The following IPO5 variants were observed in gnomAD, a reference collection of about 807,000 sequenced individuals.
IPO5 encodes the protein importin-5.
IPO5 carries 18 observed loss-of-function variants against 143.3 expected under a neutral mutation model. The observed-to-expected ratio is 0.13, with a 90% CI of 0.09 to 0.19. The LOEUF (loss-of-function observed/expected upper bound fraction) is 0.19, where lower values mean the gene tolerates loss of function less well. Among genes scored for constraint, IPO5 ranks in the 10% least tolerant of loss-of-function variants. The pLI is 1.00. For missense variants in IPO5, 1,013 were observed against 1,336.9 expected, an observed-to-expected ratio of 0.76 and a Z score of 3.78; for synonymous variants, 477 against 465.7, an observed-to-expected ratio of 1.02 and a Z score of -0.31.
At chr13:97,997,488 A>T in intron 11 of IPO5, 43 bp from the exon 12 acceptor site, 1 of 1,111,072 alleles carries the variant, frequency 9.0e-7, no homozygotes, top group Non-Finnish European at 1.3e-6. Flanking sequence ...TATGGATAAG[A>T]TAAAGTCACA....
intron 11 of IPO5, among the ~76,000 whole-genome samples, chr13:97,996,209 C>G (rs1888272616): frequency 6.6e-6 from 1 of 152,112 alleles, no homozygotes; most frequent in African/African-American, 2.4e-5. Flanking sequence ...ACTACCACAC[C>G]TGGCTAATTT....
chr13:97,992,386 G>T (rs1376460848), intron 9 of IPO5, among the ~76,000 whole-genome samples: 1 of 152,166 alleles, frequency 6.6e-6, no homozygotes, highest in Non-Finnish European at 1.5e-5. Context: ...TACTTACTAT[G>T]CGTATGAGAA....
At chr13:98,006,095 T>C in intron 16 of IPO5, 35 bp from the exon 17 acceptor site, 1 of 1,391,554 alleles carries the variant, frequency 7.2e-7, no homozygotes, top group South Asian at 1.2e-5. Context: ...TCTTCCAGTT[T>C]TCCTTTGAGG....
chr13:98,016,885 T>A (rs372677269), intron 25 of IPO5, 34 bp downstream of exon 25: 4 of 1,445,730 alleles, frequency 2.8e-6, no homozygotes, highest in Admixed American at 2.7e-5. Flanking sequence ...TTGTTTTGCG[T>A]AGTTTACCTG....
chr13:97,976,156 T>A (rs914996200), intron 3 of IPO5, among the ~76,000 whole-genome samples: 4 of 150,986 alleles, frequency 2.6e-5, no homozygotes, highest in Non-Finnish European at 5.9e-5. Flanking sequence ...GGCGCCGAAA[T>A]CTCCCGCGCT....
chr13:98,018,865 A>G (rs1288835890), intron 26 of IPO5, among the ~76,000 whole-genome samples, 161 bp downstream of exon 26: 1 of 152,200 alleles, frequency 6.6e-6, no homozygotes, highest in Non-Finnish European at 1.5e-5. Context: ...TGATAAAAAG[A>G]TGATTTATTC....
intron 20 of IPO5, among the ~76,000 whole-genome samples, chr13:98,011,973 C>G (rs1180574297): frequency 6.6e-6 from 1 of 151,714 alleles, no homozygotes; most frequent in Non-Finnish European, 1.5e-5. Context: ...GAATGGAATA[C>G]GAATGATTCC....
chr13:98,006,235 A>G lies in IPO5; in HGVS notation c.1603A>G (p.Met535Val). The change falls in exon 17 of 29, where the codon ATG becomes GTG. Residue 535 changes from methionine (M) to valine (V), a missense_variant. By Grantham distance (21) the Met-to-Val change is conservative. Transcript: ENST00000651721. ...ATTTGTCCCCTACTATGATTTATTT[A>G]TGCCATCACTGAAGCACATCGTTGA... ...EKFVPYYDLFMPSLKHIVENA... is the reference protein window; with the variant it reads ...EKFVPYYDLFVPSLKHIVENA... The G allele has an allele frequency of 6.2e-7, 1 of 1,613,684 alleles. No homozygotes were observed. The highest frequency in any genetic ancestry group is 8.5e-7 in the Non-Finnish European group (1 of 1,179,700).
intron 3 of IPO5, 27 bp downstream of exon 3, chr13:97,969,857 C>G (rs1427076810): frequency 6.4e-7 from 1 of 1,572,164 alleles, no homozygotes; most frequent in Non-Finnish European, 8.7e-7. Flanking sequence ...GGGGAAAAGT[C>G]ACTTCCTGTT....
At chr13:97,960,390 G>A (rs1483690391) in intron 2 of IPO5, 2 of 152,092 alleles carry the variant, frequency 1.3e-5, no homozygotes, top group African/African-American at 4.8e-5. Context: ...ATCACTCAAG[G>A]ATTCAGAACT....
intron 4 of IPO5, 38 bp from the exon 5 acceptor site, chr13:97,982,465 T>G: frequency 7.2e-7 from 1 of 1,394,530 alleles, no homozygotes; most frequent in Non-Finnish European, 1.0e-6. Flanking sequence ...TGAAGTTTCC[T>G]AACATTCTTT....
At chr13:97,998,007 G>A (rs1019249180) in intron 12 of IPO5, among the ~76,000 whole-genome samples, 6 of 152,148 alleles carry the variant, frequency 3.9e-5, no homozygotes, top group East Asian at 1.9e-4. Flanking sequence ...ACGGAGTCTC[G>A]CTGTGTCGCC....
intron 11 of IPO5, among the ~76,000 whole-genome samples, chr13:97,995,687 A>G (rs3858773): frequency 0.33 from 49,736 of 151,906 alleles, 10,514 homozygotes; most frequent in Non-Finnish European, 0.48. Flanking sequence ...CCCGGGAGGC[A>G]GAGCTTGCAG....
Position 98,021,415 on chromosome 13 carries a change from AAAC to A in IPO5, c.3207+285_3207+287del, listed in dbSNP as rs944971800. The A allele has an allele frequency of 1.4e-4, 51 of 357,676 alleles. No homozygotes were observed. The South Asian group carries it at 1.6e-3, about 11-fold the overall frequency. The allele number at this position is 357,676 out of a possible 1,614,324, so 22.2% of individuals were successfully genotyped here. On this transcript the variant is annotated intron_variant, in intron 28 of 28. Transcript: ENST00000651721. ...TTTTTCTGCCTATCTTAAGAAAAAA[AAAC>A]AAGATTTAATAATAACTTGTCATCT...
Position 97,996,853 on chromosome 13 carries a change from A to G in IPO5, c.914-678A>G, listed in dbSNP as rs541390458. Among the ~76,000 whole-genome samples the G allele has an allele frequency of 3.3e-5, 5 of 152,162 alleles. No individual in the cohort carries two copies. The East Asian group carries it at 5.8e-4, about 18-fold the overall frequency. ...GTGATCCGCCTGCCTCAGCCTCCCAAAGTGCTGGGATTACAGGCATAAGCC... is the reference window on the plus strand; with the variant it reads ...GTGATCCGCCTGCCTCAGCCTCCCAGAGTGCTGGGATTACAGGCATAAGCC... On this transcript the variant is annotated intron_variant, in intron 11 of 28. Transcript: ENST00000651721.
intron 2 of IPO5, among the ~76,000 whole-genome samples, chr13:97,964,893 T>A (rs1298502249): frequency 6.6e-6 from 1 of 152,156 alleles, no homozygotes; most frequent in Non-Finnish European, 1.5e-5. Flanking sequence ...CATGCACACG[T>A]ATGTTTATTG....
chr13:97,980,775 C>T (rs1233432267), intron 4 of IPO5, among the ~76,000 whole-genome samples: 1 of 149,202 alleles, frequency 6.7e-6, no homozygotes, highest in Non-Finnish European at 1.5e-5. Flanking sequence ...TGCAGTGAGC[C>T]GAGATCGCAC....
At position 98,011,269 on chromosome 13, in the gene IPO5, G is replaced by T. The variant is rs1053452847; in HGVS notation, c.2056-977G>T. On this transcript the variant is annotated intron_variant, in intron 20 of 28. Transcript: ENST00000651721. ...AAGAGAATGAAACAATTGGGTTTTT[G>T]GGGTTTTTTTTGTTTGTTTGTTTGT... 2.7e-4 allele frequency among the ~76,000 whole-genome samples: 41 copies of T among 151,732 alleles called. 2 individuals carry two copies.
intron 4 of IPO5, chr13:97,982,260 A>G: frequency 2.6e-6 from 1 of 379,622 alleles, no homozygotes; most frequent in South Asian, 6.3e-5. Context: ...TAAGTTGGGA[A>G]AACATGCACA....
Sources: allele counts gnomAD v4.1 joint callset (sites outside exome capture counted in the v4.1 genomes callset), GRCh38; gene constraint gnomAD v4.1.1; transcripts MANE v1.5; gene names NCBI Gene and HGNC (gene_info 2026-07-23, HGNC 2026-07-21).